CCDC13: variants seen among roughly 807,000 people sequenced by gnomAD.
CCDC13 encodes the protein coiled-coil domain-containing protein 13.
In CCDC13, 70 loss-of-function variants were observed where a neutral mutation model predicts 87.3. The observed-to-expected ratio is 0.80, with a 90% CI of 0.66 to 0.98. CCDC13 has a LOEUF of 0.98. Ranked by LOEUF, CCDC13 falls within the 50% of genes least tolerant of loss-of-function variation. CCDC13 has a pLI of 0.00. For missense variants in CCDC13, 842 were observed against 892.0 expected (o/e 0.94, Z 0.71); for synonymous variants, 317 against 360.3 (o/e 0.88, Z 1.36).
Position 42,709,741 on chromosome 3 carries a change from G to T in CCDC13, c.1931C>A (p.Ser644Tyr), listed in dbSNP as rs766510697. 11 of 1,614,204 alleles carry T rather than the reference G, an allele frequency of 6.8e-6. No homozygotes were observed. Among genetic ancestry groups the T allele is most frequent in the South Asian group, 2.2e-5 (2 of 91,080 alleles). ...NPTGSEKKDP[S>Y]FAQLSDVPVE... ...GGGCACATCGGAGAGCTGGGCAAAG[G>T]ATGGGTCCTTCTTCTCGCTCCCGGT... The change falls in exon 15 of 16, where the codon TCC (serine) becomes TAC (tyrosine). Residue 644 changes from serine to tyrosine, a missense_variant. Physicochemically the swap from Ser to Tyr is moderately radical, Grantham distance 144. Transcript: ENST00000310232.
chr3:42,736,071 T>G (rs926631706), intron 9 of CCDC13, among the ~76,000 whole-genome samples, 158 bp from the exon 10 acceptor site: 1 of 152,232 alleles, frequency 6.6e-6, no homozygotes, highest in Admixed American at 6.5e-5. Context: ...TTGCCTGCCA[T>G]CAGGGGATGT....
intron 1 of CCDC13, among the ~76,000 whole-genome samples, chr3:42,759,520 A>G (rs1319030546): frequency 6.6e-6 from 1 of 152,130 alleles, no homozygotes; most frequent in African/African-American, 2.4e-5. Flanking sequence ...CTTTTCTGGA[A>G]TTTCATATAA....
Position 42,743,023 on chromosome 3 carries a change from C to G in CCDC13, c.860G>C (p.Arg287Pro), listed in dbSNP as rs755531878. 1.2e-6 allele frequency: 2 copies of G among 1,614,132 alleles called. No individual in the cohort carries two copies. The highest frequency in any genetic ancestry group is 2.2e-5 in the South Asian group (2 of 91,064). ...QELEKQLGQA[R>P]SQSAGTASDE... is the part of the protein sequence containing the mutation. ...ACTGGCTGTTCCCGCAGACTGGCTC[C>G]GGGCCTGGCCCAATTGCTTCTCAAG... The change falls in exon 8 of 16, where the codon CGG becomes CCG. Residue 287 changes from arginine (R) to proline (P), a missense_variant. Physicochemically the swap from Arg to Pro is moderately radical, Grantham distance 103. Coordinates refer to ENST00000310232, the MANE Select transcript of CCDC13 (RefSeq NM_144719.4).
At chr3:42,749,194 C>T (rs567251525) in intron 5 of CCDC13, among the ~76,000 whole-genome samples, 1 of 152,310 alleles carries the variant, frequency 6.6e-6, no homozygotes, top group African/African-American at 2.4e-5. Flanking sequence ...GGTTGGGAAG[C>T]AACACCCCTC....
downstream of CCDC13, among the ~76,000 whole-genome samples, chr3:42,705,476 G>A (rs1429469851): frequency 1.3e-5 from 2 of 152,202 alleles, no homozygotes; most frequent in Non-Finnish European, 2.9e-5. Context: ...ACCTGTCAGT[G>A]CTGGAACCTG....
chr3:42,730,327 T>C (rs979301334), intron 13 of CCDC13, 140 bp downstream of exon 13: 31 of 1,204,856 alleles, frequency 2.6e-5, no homozygotes, highest in Non-Finnish European at 3.6e-5. Context: ...GTGGGGCGCA[T>C]GAGTTGTGGC....
At chr3:42,743,237 T>A (rs1699279110) in intron 7 of CCDC13, among the ~76,000 whole-genome samples, 180 bp from the exon 8 acceptor site, 2 of 151,872 alleles carry the variant, frequency 1.3e-5, no homozygotes, top group South Asian at 4.2e-4. Context: ...GAGCAACACA[T>A]TGGAAGACAC....
intron 7 of CCDC13, 100 bp downstream of exon 7, chr3:42,745,822 TG>T: frequency 1.2e-6 from 1 of 849,690 alleles, no homozygotes; most frequent in Non-Finnish European, 1.9e-6. Flanking sequence ...AGGCCTTTTT[TG>T]GGTACTGTGT....
intron 7 of CCDC13, among the ~76,000 whole-genome samples, chr3:42,744,051 T>C (rs1699315850): frequency 6.6e-6 from 1 of 152,314 alleles, no homozygotes; most frequent in African/African-American, 2.4e-5. Context: ...TCTGAGGTTC[T>C]TCTTGGACTG....
In CCDC13 at chr3:42,730,519, C is replaced by T. The variant is rs1410466290; in HGVS notation, c.1666G>A (p.Ala556Thr). 1.2e-6 allele frequency: 2 copies of T among 1,614,176 alleles called. No homozygotes were observed. Among genetic ancestry groups the T allele is most frequent in the Admixed American group, 1.7e-5 (1 of 60,024 alleles). Residue 556 changes from alanine to threonine, a missense_variant, in exon 13 of 16, where the codon GCC becomes ACC. Transcript: ENST00000310232. ...VSEIKALWQAAEVERDRLTEF... is the reference protein window; with the variant it reads ...VSEIKALWQATEVERDRLTEF... ...GTGAGCCGGTCACGCTCCACCTCGG[C>T]AGCCTGCCAGAGGGCCTTGATCTCT...
chr3:42,753,435 T>C (rs1457069582), intron 3 of CCDC13, among the ~76,000 whole-genome samples: 2 of 152,230 alleles, frequency 1.3e-5, no homozygotes, highest in African/African-American at 4.8e-5. Context: ...ATACATTCAT[T>C]TAGCAAATAT....
chr3:42,771,671 C>T (rs9836850), intron 1 of CCDC13, among the ~76,000 whole-genome samples: 1,873 of 152,156 alleles, frequency 0.012, 45 homozygotes, highest in African/African-American at 0.042. Flanking sequence ...GGGAGGATTG[C>T]TTGAGCCCAG....
At chr3:42,757,244 TC>T in intron 2 of CCDC13, 30 bp from the exon 3 acceptor site, 1 of 1,603,216 alleles carries the variant, frequency 6.2e-7, no homozygotes, top group Non-Finnish European at 8.5e-7. Context: ...TTAATGCTCC[TC>T]CAAGGCAAAG....
chr3:42,724,250 C>T (rs563108985), intron 13 of CCDC13, among the ~76,000 whole-genome samples: 21 of 152,270 alleles, frequency 1.4e-4, no homozygotes, highest in Admixed American at 3.9e-4. Context: ...TATAACGTGC[C>T]TTCCACATCT....
At chr3:42,761,956 C>G (rs960024238) in intron 1 of CCDC13, among the ~76,000 whole-genome samples, 4 of 152,202 alleles carry the variant, frequency 2.6e-5, no homozygotes, top group Admixed American at 2.6e-4. Flanking sequence ...TCTATCTGTA[C>G]CTTCTTAATA....
rs766191990 is a variant in CCDC13 at position 42,709,046 on chromosome 3, C to A, written c.2082G>T (p.Glu694Asp). Residue 694 changes from glutamate to aspartate, a missense_variant, in exon 16 of 16, where the codon GAG (glutamate) becomes GAT (aspartate). By Grantham distance (45) the Glu-to-Asp change is conservative (BLOSUM62 2). Coordinates refer to ENST00000310232, the MANE Select transcript of CCDC13 (RefSeq NM_144719.4). ...GKEEDFRMYH[E>D]ILGQVKSVFL... The stretch of plus-strand genomic sequence containing the variant: ...AGACACTTTTCACCTGGCCCAGGAT[C>A]TCATGGTACATCCGGAAGTCCTCCT... 1.2e-6 allele frequency: 2 copies of A among 1,614,140 alleles called. No individual in the cohort carries two copies. The highest frequency in any genetic ancestry group is 2.2e-5 in the South Asian group (2 of 91,056).
chr3:42,742,949 T>C lies in CCDC13; in HGVS notation c.934A>G (p.Lys312Glu), dbSNP rs1349117949. The C allele has an allele frequency of 6.2e-7, 1 of 1,614,148 alleles. No homozygotes were observed. The highest frequency in any genetic ancestry group is 8.5e-7 in the Non-Finnish European group (1 of 1,179,986). Residue 312 changes from lysine to glutamate, a missense_variant, in exon 8 of 16, where the codon AAA (lysine) becomes GAA (glutamate). Transcript: ENST00000310232. ...AGGCTGCGGATCCTCAGCAGGTTTT[T>C]CTCCTGTGCCGACAGCTTCCTTGGG... ...PDPRKLSAQE[K>E]NLLRIRSLER...
Position 42,733,023 on chromosome 3 carries a change from C to T in CCDC13, c.1512-53G>A, listed in dbSNP as rs532763894. 1.9e-4 allele frequency: 272 copies of T among 1,446,318 alleles called. 3 individuals carry two copies. In the South Asian group the frequency reaches 3.2e-3, roughly 17 times the overall value. 89.6% of individuals were successfully genotyped at this position (1,446,318 alleles called of 1,614,324 possible). On this transcript the variant is annotated intron_variant, in intron 11 of 15. Transcript: ENST00000310232. ...GCCTGGGAAGGCAGACCAGGCCCTA[C>T]TGGGCCTCACCTCTGCATGTGAGGT...
At position 42,712,975 on chromosome 3, in the gene CCDC13, C is replaced by T. The variant is rs76357493; in HGVS notation, c.1873+187G>A. On this transcript the variant is annotated intron_variant, in intron 14 of 15. Coordinates refer to ENST00000310232, the MANE Select transcript of CCDC13 (RefSeq NM_144719.4). Reference sequence around the variant, plus strand: ...CACGAGGCAATGGAGCTCTGGGGCTCCTGCTTCTGACTGAGAGGCCTGGGG... The same window carrying T: ...CACGAGGCAATGGAGCTCTGGGGCTTCTGCTTCTGACTGAGAGGCCTGGGG... Among the ~76,000 whole-genome samples the T allele has an allele frequency of 9.5e-4, 144 of 152,332 alleles. 3 individuals carry two copies. In the East Asian group the frequency reaches 0.02, roughly 22 times the overall value.
Sources: gnomAD v4.1 joint callset for allele counts (sites outside exome capture counted in the v4.1 genomes callset) on GRCh38, gnomAD v4.1.1 for gene constraint, MANE v1.5 for transcripts, NCBI Gene and HGNC (gene_info 2026-07-23, HGNC 2026-07-21) for gene names.